The following STX8 variants were observed in gnomAD, a reference collection of about 807,000 sequenced individuals.
STX8 encodes the protein syntaxin 8.
A neutral mutation model predicts 37.5 loss-of-function variants in STX8; 23 were observed. That is an observed-to-expected ratio of 0.61 (90% confidence interval 0.44 to 0.87). The LOEUF (loss-of-function observed/expected upper bound fraction) is 0.87. Ranked by LOEUF, STX8 falls within the 40% of genes least tolerant of loss-of-function variation. STX8 has a pLI of 0.00. For missense variants in STX8, 313 were observed against 284.7 expected (o/e 1.10, Z -0.71); for synonymous variants, 115 against 99.1 (o/e 1.16, Z -0.95).
intron 2 of STX8, among the ~76,000 whole-genome samples, chr17:9,559,161 T>C (rs1567609939): frequency 6.6e-6 from 1 of 152,210 alleles, no homozygotes; most frequent in Non-Finnish European, 1.5e-5. Context: ...ATGATCACTT[T>C]TGTAATCAGG....
At chr17:9,504,060 A>C (rs7216501) in intron 5 of STX8, among the ~76,000 whole-genome samples, 108,286 of 152,078 alleles carry the variant, frequency 0.71, 38,812 homozygotes, top group Middle Eastern at 0.85. Flanking sequence ...CACCACACCC[A>C]GCCGACACAT....
At chr17:9,355,223 G>T (rs964362605) in intron 7 of STX8, among the ~76,000 whole-genome samples, 1 of 151,750 alleles carries the variant, frequency 6.6e-6, no homozygotes. Flanking sequence ...ATTTCCTTTG[G>T]TAATTTGTTG....
chr17:9,524,720 C>A (rs908005806), intron 4 of STX8, among the ~76,000 whole-genome samples: 2 of 152,110 alleles, frequency 1.3e-5, no homozygotes, highest in African/African-American at 4.8e-5. Context: ...TCATCTACTT[C>A]ATATCTAAGA....
chr17:9,509,181 G>A lies in STX8; in HGVS notation c.324-4019C>T, dbSNP rs922193350. ...GGAGAATCACTTGAACCTGGGAGGC[G>A]GAGGTTGCAGTGAGCTGAGACCACG... On this transcript the variant is annotated intron_variant, in intron 4 of 7. Transcript: ENST00000306357. 7.9e-5 allele frequency among the ~76,000 whole-genome samples: 12 copies of A among 152,182 alleles called. No homozygotes were observed. In the East Asian group the frequency reaches 9.7e-4, roughly 12 times the overall value.
At chr17:9,549,059 T>C (rs1477061820) in intron 3 of STX8, among the ~76,000 whole-genome samples, 2 of 152,158 alleles carry the variant, frequency 1.3e-5, no homozygotes, top group African/African-American at 4.8e-5. Flanking sequence ...TGTTTACATA[T>C]GCATATATTT....
intron 6 of STX8, among the ~76,000 whole-genome samples, chr17:9,480,094 C>T (rs113276994): frequency 0.025 from 3,772 of 152,280 alleles, 135 homozygotes; most frequent in African/African-American, 0.084. Flanking sequence ...TTCTGTTTCA[C>T]ATTCGAATAG....
chr17:9,298,084 T>C (rs1238397895), intron 7 of STX8, among the ~76,000 whole-genome samples: 1 of 152,206 alleles, frequency 6.6e-6, no homozygotes, highest in African/African-American at 2.4e-5. Flanking sequence ...CCACTGCTGG[T>C]AGATTCCTGT....
intron 6 of STX8, among the ~76,000 whole-genome samples, chr17:9,421,681 C>T (rs1913435150): frequency 6.6e-6 from 1 of 152,102 alleles, no homozygotes; most frequent in Non-Finnish European, 1.5e-5. Context: ...ATCACCACCC[C>T]TATCTAGTTT....
At chr17:9,262,123 T>C (rs1907059442) in intron 7 of STX8, among the ~76,000 whole-genome samples, 1 of 152,182 alleles carries the variant, frequency 6.6e-6, no homozygotes, top group South Asian at 2.1e-4. Flanking sequence ...TAAGGCTTTG[T>C]CAATACACCA....
intron 7 of STX8, among the ~76,000 whole-genome samples, chr17:9,327,189 A>AG: frequency 6.7e-6 from 1 of 150,170 alleles, no homozygotes; most frequent in African/African-American, 2.5e-5. Flanking sequence ...AGAAGGAAGA[A>AG]GAAGGAAGAA....
At chr17:9,342,953 G>A (rs954763413) in intron 7 of STX8, among the ~76,000 whole-genome samples, 2 of 151,260 alleles carry the variant, frequency 1.3e-5, no homozygotes, top group South Asian at 2.1e-4. Context: ...CCCGGGAGGC[G>A]GAGGTTGCAG....
At position 9,470,671 on chromosome 17, in the gene STX8, A is replaced by G. The variant is rs199761576; in HGVS notation, c.541+21158T>C. 5.3e-5 allele frequency among the ~76,000 whole-genome samples: 8 copies of G among 152,298 alleles called. No homozygotes were observed. In the East Asian group the frequency reaches 1.5e-3, roughly 29 times the overall value. ...GGAAAAGTAACATGATAAATAAGTC[A>G]TATTTGGTGTAGGCCTCTATGCAGA... is the stretch of plus-strand genomic sequence containing the variant. On this transcript the variant is annotated intron_variant, in intron 6 of 7. Transcript: ENST00000306357.
intron 7 of STX8, among the ~76,000 whole-genome samples, chr17:9,275,258 C>T (rs1180362078): frequency 3.3e-5 from 5 of 152,280 alleles, no homozygotes; most frequent in East Asian, 3.9e-4. Context: ...TCACTCCAAG[C>T]GTCCATGGGA....
rs371331106 is a variant in STX8 at position 9,358,053 on chromosome 17, A to G, written c.643+20499T>C. On this transcript the variant is annotated intron_variant, in intron 7 of 7. Coordinates refer to ENST00000306357, the MANE Select transcript of STX8 (RefSeq NM_004853.3). ...TAAGGAGCTGAAACCAAGTTGGGAGAAGGCTGCTTCAGTCTTCAATTTTTA... is the reference window on the plus strand; with the variant it reads ...TAAGGAGCTGAAACCAAGTTGGGAGGAGGCTGCTTCAGTCTTCAATTTTTA... Among the ~76,000 whole-genome samples the G allele has an allele frequency of 8.9e-4, 135 of 152,278 alleles. 1 individual carries two copies. Among genetic ancestry groups the G allele is most frequent in the African/African-American group, 2.9e-3 (122 of 41,560 alleles).
At chr17:9,463,614 A>G (rs1381781135) in intron 6 of STX8, among the ~76,000 whole-genome samples, 2 of 152,144 alleles carry the variant, frequency 1.3e-5, no homozygotes, top group African/African-American at 4.8e-5. Flanking sequence ...TCTACTAAAA[A>G]TACAAAATTT....
intron 7 of STX8, among the ~76,000 whole-genome samples, chr17:9,257,286 G>A (rs770822842): frequency 8.5e-5 from 13 of 152,186 alleles, no homozygotes; most frequent in Non-Finnish European, 1.5e-4. Context: ...ACTGGGAGAG[G>A]ATATTAAACA....
chr17:9,546,528 A>G lies in STX8; in HGVS notation c.213-1246T>C, dbSNP rs561099250. 1.0e-4 allele frequency among the ~76,000 whole-genome samples: 15 copies of G among 147,498 alleles called. No individual in the cohort carries two copies. In the East Asian group the frequency reaches 2.4e-3, roughly 24 times the overall value. On this transcript the variant is annotated intron_variant, in intron 3 of 7. Coordinates refer to ENST00000306357, the MANE Select transcript of STX8 (RefSeq NM_004853.3). ...GTGGCGTCTGTCAACAACCGGCGCC[A>G]CTTCCCTTGGACTAAGTACAAAGTT...
Position 9,250,480 on chromosome 17 carries a change from TG to T in STX8, c.*97del, listed in dbSNP as rs1567754069. ...AGCAATGCACAAGAGGTCAGAGCTTTGGGGGAATTTATTGAGAGCAGGTTTT... is the reference window on the plus strand; with the variant it reads ...AGCAATGCACAAGAGGTCAGAGCTTTGGGGAATTTATTGAGAGCAGGTTTT... On this transcript the variant is annotated 3_prime_UTR_variant, in exon 8 of 8. Coordinates refer to ENST00000306357, the MANE Select transcript of STX8 (RefSeq NM_004853.3). 1 of 1,151,566 alleles carries T rather than the reference TG, an allele frequency of 8.7e-7. No homozygotes were observed. Among genetic ancestry groups the T allele is most frequent in the Non-Finnish European group, 1.3e-6 (1 of 786,142 alleles). 71.3% of individuals were successfully genotyped at this position (1,151,566 alleles called of 1,614,324 possible). A position where few individuals can be genotyped will look rare whatever the true frequency, so the allele number is the denominator to read the frequency against.
At chr17:9,296,411 T>C (rs2142170714) in intron 7 of STX8, among the ~76,000 whole-genome samples, 1 of 151,158 alleles carries the variant, frequency 6.6e-6, no homozygotes, top group Non-Finnish European at 1.5e-5. Context: ...GGCAGGAGAA[T>C]AGCTTGAACC....
Sources: allele counts gnomAD v4.1 joint callset (sites outside exome capture counted in the v4.1 genomes callset), GRCh38; gene constraint gnomAD v4.1.1; transcripts MANE v1.5; gene names NCBI Gene and HGNC (gene_info 2026-07-23, HGNC 2026-07-21).